The following SGCZ variants were observed in gnomAD, a reference collection of about 807,000 sequenced individuals.
SGCZ encodes zeta-sarcoglycan.
In SGCZ, 40 loss-of-function variants were observed where a neutral mutation model predicts 41.3. That is an observed-to-expected ratio of 0.97 (90% confidence interval 0.75 to 1.26). SGCZ has a LOEUF of 1.26. Among genes scored for constraint, SGCZ ranks in the 50% most tolerant of loss-of-function variants. The pLI, the probability that SGCZ is intolerant of heterozygous loss-of-function variation, is 0.00. For missense variants in SGCZ, 552 were observed against 369.8 expected, an observed-to-expected ratio of 1.49 and a Z score of -4.04; for synonymous variants, 206 against 137.5, an observed-to-expected ratio of 1.50 and a Z score of -3.49.
intron 1 of SGCZ, among the ~76,000 whole-genome samples, chr8:14,872,968 T>G (rs1033853008): frequency 1.3e-5 from 2 of 152,170 alleles, no homozygotes; most frequent in Non-Finnish European, 1.5e-5. Context: ...AACGTTTAAC[T>G]TGATAGGCGT....
chr8:14,579,256 G>C lies in SGCZ; in HGVS notation c.40-24330C>G, dbSNP rs536602111. Reference sequence around the variant, plus strand: ...TTTACTAAATCAGTTACTCTATCAAGATACAAAGGAACAAGTGTGTTTAAA... The same window carrying C: ...TTTACTAAATCAGTTACTCTATCAACATACAAAGGAACAAGTGTGTTTAAA... On this transcript the variant is annotated intron_variant, in intron 1 of 7. Transcript: ENST00000382080. Among the ~76,000 whole-genome samples, 164 of 152,186 alleles carry C rather than the reference G, an allele frequency of 1.1e-3. 2 individuals carry two copies. The highest frequency in any genetic ancestry group is 3.9e-3 in the African/African-American group (162 of 41,546).
rs112383417 is a variant in SGCZ, at chr8:14,459,245, C to T, written c.234+95487G>A. Among the ~76,000 whole-genome samples, 3 of 151,812 alleles carry T rather than the reference C, an allele frequency of 2.0e-5. 1 individual carries two copies. Among genetic ancestry groups the T allele is most frequent in the African/African-American group, 7.2e-5 (3 of 41,396 alleles). ...GAACACTTGGACACAGGAAGGGGAA[C>T]ACCACACACCGGGGCCTGTTGTGGG... On this transcript the variant is annotated intron_variant, in intron 2 of 7. Coordinates refer to ENST00000382080, the MANE Select transcript of SGCZ (RefSeq NM_139167.4).
At chr8:14,198,011 A>T (rs1364585823) in intron 4 of SGCZ, among the ~76,000 whole-genome samples, 2 of 152,214 alleles carry the variant, frequency 1.3e-5, no homozygotes, top group African/African-American at 4.8e-5. Context: ...CTGGAAAGGG[A>T]TTATTAGGAA....
intron 4 of SGCZ, among the ~76,000 whole-genome samples, chr8:14,202,244 G>A (rs561321672): frequency 3.3e-5 from 5 of 152,210 alleles, no homozygotes; most frequent in Non-Finnish European, 7.4e-5. Context: ...AGACAGTCAC[G>A]GGCCAAGGGG....
intron 1 of SGCZ, among the ~76,000 whole-genome samples, chr8:14,602,018 G>T (rs994716891): frequency 1.3e-5 from 2 of 152,110 alleles, no homozygotes; most frequent in African/African-American, 4.8e-5. Context: ...TACTCGGGAG[G>T]CTGAGGCAGG....
chr8:14,480,111 C>G (rs1167573518), intron 2 of SGCZ, among the ~76,000 whole-genome samples: 1 of 152,214 alleles, frequency 6.6e-6, no homozygotes, highest in Non-Finnish European at 1.5e-5. Flanking sequence ...CCCATTCTCT[C>G]TTGAACCTAT....
chr8:14,579,834 A>G (rs929534257), intron 1 of SGCZ, among the ~76,000 whole-genome samples: 1 of 152,204 alleles, frequency 6.6e-6, no homozygotes, highest in Non-Finnish European at 1.5e-5. Context: ...TATCTAGGTT[A>G]GGTGCAGTTC....
At chr8:14,128,307 T>A (rs191345498) in intron 5 of SGCZ, among the ~76,000 whole-genome samples, 1 of 152,314 alleles carries the variant, frequency 6.6e-6, no homozygotes, top group African/African-American at 2.4e-5. Context: ...GAAAAAATGC[T>A]AAATGTCACT....
intron 1 of SGCZ, among the ~76,000 whole-genome samples, chr8:14,827,386 A>C (rs1802370773): frequency 6.6e-6 from 1 of 151,808 alleles, no homozygotes; most frequent in South Asian, 2.1e-4. Context: ...ACAGGCATGC[A>C]CCACCATGCC....
intron 1 of SGCZ, among the ~76,000 whole-genome samples, chr8:14,612,440 T>C: frequency 6.6e-6 from 1 of 152,172 alleles, no homozygotes; most frequent in East Asian, 1.9e-4. Flanking sequence ...CATAAGGAAG[T>C]GTGAGTCAAT....
At chr8:14,526,329 C>T (rs925783996) in intron 2 of SGCZ, among the ~76,000 whole-genome samples, 34 of 152,050 alleles carry the variant, frequency 2.2e-4, no homozygotes, top group Non-Finnish European at 5.9e-5. Context: ...ATTTCACTAT[C>T]GATGTGGCAA....
At chr8:14,406,517 CATT>C (rs1352727327) in intron 2 of SGCZ, among the ~76,000 whole-genome samples, 2 of 152,228 alleles carry the variant, frequency 1.3e-5, no homozygotes, top group East Asian at 3.9e-4. Flanking sequence ...TGAAAACAAA[CATT>C]GTTGAATGAA....
chr8:14,827,637 G>A (rs114583022), intron 1 of SGCZ, among the ~76,000 whole-genome samples: 4,287 of 152,272 alleles, frequency 0.028, 173 homozygotes, highest in African/African-American at 0.089. Context: ...CAATGATGAA[G>A]TTGAATAGTT....
intron 1 of SGCZ, among the ~76,000 whole-genome samples, chr8:14,996,918 C>T (rs1802239088): frequency 6.6e-6 from 1 of 152,164 alleles, no homozygotes; most frequent in Non-Finnish European, 1.5e-5. Flanking sequence ...GCAGTTTACC[C>T]CTAGTTATTC....
At chr8:15,024,355 G>A (rs929167624) in intron 1 of SGCZ, among the ~76,000 whole-genome samples, 1 of 152,128 alleles carries the variant, frequency 6.6e-6, no homozygotes, top group Non-Finnish European at 1.5e-5. Context: ...AATTTGAGGA[G>A]ACACTGCTAA....
chr8:14,921,420 C>G (rs544129927), intron 1 of SGCZ, among the ~76,000 whole-genome samples: 1 of 152,118 alleles, frequency 6.6e-6, no homozygotes, highest in East Asian at 1.9e-4. Context: ...GCAATGACCC[C>G]TATCTATCAA....
At position 14,978,160 on chromosome 8, in the gene SGCZ, T is replaced by C. The variant is rs559654977; in HGVS notation, c.39+259425A>G. 1.1e-4 allele frequency among the ~76,000 whole-genome samples: 16 copies of C among 152,088 alleles called. No individual in the cohort carries two copies. In the South Asian group the frequency reaches 3.1e-3, roughly 30 times the overall value. On this transcript the variant is annotated intron_variant, in intron 1 of 7. Coordinates refer to ENST00000382080, the MANE Select transcript of SGCZ (RefSeq NM_139167.4). The stretch of plus-strand genomic sequence containing the variant: ...TTAGTTTCAAAAGATTATTTTGTAT[T>C]TGTTTCTTTAAAAATTGTGCCTGCT...
intron 2 of SGCZ, among the ~76,000 whole-genome samples, chr8:14,521,976 G>T (rs1802804379): frequency 1.3e-5 from 2 of 152,066 alleles, no homozygotes; most frequent in African/African-American, 4.8e-5. Flanking sequence ...GATGTGTGCA[G>T]AAATTTTAAA....
intron 1 of SGCZ, among the ~76,000 whole-genome samples, chr8:15,180,369 T>C (rs989278197): frequency 2.0e-5 from 3 of 152,186 alleles, no homozygotes; most frequent in African/African-American, 7.2e-5. Context: ...GGTATATTGA[T>C]TTGATAGTCC....
Sources: gnomAD v4.1 joint callset for allele counts (sites outside exome capture counted in the v4.1 genomes callset) on GRCh38, gnomAD v4.1.1 for gene constraint, MANE v1.5 for transcripts, NCBI Gene and HGNC (gene_info 2026-07-23, HGNC 2026-07-21) for gene names.